Variants in SULT1E1 observed in about 807,000 individuals in gnomAD.
SULT1E1 encodes sulfotransferase family 1E member 1.
SULT1E1 carries 36 observed loss-of-function variants against 33.6 expected under a neutral mutation model. The ratio of observed to expected loss-of-function variants is 1.07; its 90% CI spans 0.82 to 1.41. The LOEUF is 1.41. Among genes scored for constraint, SULT1E1 ranks in the 40% most tolerant of loss-of-function variants. The probability of loss-of-function intolerance (pLI) is 0.00; values close to 1 mark genes in which losing one functional copy is unlikely to be tolerated. For synonymous variants in SULT1E1, 121 were observed against 111.7 expected, an observed-to-expected ratio of 1.08 and a Z score of -0.53; for missense variants, 371 against 345.7, an observed-to-expected ratio of 1.07 and a Z score of -0.58.
intron 3 of SULT1E1, among the ~76,000 whole-genome samples, 172 bp downstream of exon 3, chr4:69,855,129 A>G (rs1213796789): frequency 6.6e-6 from 1 of 152,050 alleles, no homozygotes; most frequent in Non-Finnish European, 1.5e-5. Context: ...CTGTACACAT[A>G]CTATACTGCA....
downstream of SULT1E1, among the ~76,000 whole-genome samples, chr4:69,836,300 C>T (rs1720795840): frequency 1.3e-5 from 2 of 152,136 alleles, no homozygotes; most frequent in South Asian, 4.1e-4. Flanking sequence ...CCTAGTCAGT[C>T]TTGAGCAAGT....
chr4:69,833,475 A>T, the SULT1E1 span, among the ~76,000 whole-genome samples: 190 of 152,330 alleles, frequency 1.2e-3, 1 homozygote, highest in African/African-American at 4.2e-3. Flanking sequence ...TAAGGAACTT[A>T]CTGTCTGGTT....
chr4:69,837,086 CAAAA>C (rs3077549), downstream of SULT1E1, among the ~76,000 whole-genome samples: 455 of 145,294 alleles, frequency 3.1e-3, 1 homozygote, highest in Middle Eastern at 3.6e-3. Flanking sequence ...CTCCCTGTCT[CAAAA>C]AAAAAAAAAA....
rs11573782 is a variant in SULT1E1, at chr4:69,847,281, T to C, written c.591+417A>G. Reference sequence around the variant, plus strand: ...TTTCTTTGTAATTTTTAAAATTTCATCTTTTATTTATTTAAACATATTAAG... The same window carrying C: ...TTTCTTTGTAATTTTTAAAATTTCACCTTTTATTTATTTAAACATATTAAG... On this transcript the variant is annotated intron_variant, in intron 6 of 7. Transcript: ENST00000226444. Among the ~76,000 whole-genome samples the C allele has an allele frequency of 8.7e-4, 132 of 151,812 alleles. 1 individual carries two copies. Among genetic ancestry groups the C allele is most frequent in the African/African-American group, 3.1e-3 (128 of 41,534 alleles).
chr4:69,856,372 T>C (rs927973857), intron 2 of SULT1E1, among the ~76,000 whole-genome samples: 1 of 152,160 alleles, frequency 6.6e-6, no homozygotes, highest in Non-Finnish European at 1.5e-5. Flanking sequence ...AGGATTGTGT[T>C]TTAGAAGAAT....
the SULT1E1 span, among the ~76,000 whole-genome samples, chr4:69,828,780 C>A: frequency 6.6e-6 from 1 of 152,252 alleles, no homozygotes. Flanking sequence ...ACACTGGACA[C>A]TTTCAGAGCA....
At chr4:69,854,651 A>C (rs544634924) in intron 3 of SULT1E1, among the ~76,000 whole-genome samples, 1 of 152,020 alleles carries the variant, frequency 6.6e-6, no homozygotes, top group Non-Finnish European at 1.5e-5. Context: ...ATTACATAGA[A>C]AAATATAAAA....
downstream of SULT1E1, chr4:69,838,577 A>G (rs1720833285): frequency 1.3e-5 from 2 of 152,194 alleles, no homozygotes; most frequent in Non-Finnish European, 2.9e-5. Flanking sequence ...TTAGACCTAA[A>G]AATAAGTGAA....
At chr4:69,856,837 G>A (rs1270091416) in intron 2 of SULT1E1, among the ~76,000 whole-genome samples, 1 of 148,992 alleles carries the variant, frequency 6.7e-6, no homozygotes, top group African/African-American at 2.5e-5. Flanking sequence ...TCGGGAGGCT[G>A]AGGAAGGAGA....
At chr4:69,837,035 A>G (rs528003856), downstream of SULT1E1, among the ~76,000 whole-genome samples, 24 of 151,996 alleles carry the variant, frequency 1.6e-4, no homozygotes, top group African/African-American at 5.8e-4. Flanking sequence ...GTGAGCTATG[A>G]TTGTGCCACT....
chr4:69,827,231 G>T, the SULT1E1 span, among the ~76,000 whole-genome samples: 1 of 152,270 alleles, frequency 6.6e-6, no homozygotes. Context: ...GGCCTTTAAT[G>T]AAAAGAATGT....
chr4:69,858,552 C>T (rs3775770), intron 1 of SULT1E1, among the ~76,000 whole-genome samples: 33,622 of 152,016 alleles, frequency 0.22, 4,299 homozygotes, highest in Non-Finnish European at 0.29. Context: ...CTGACATTAG[C>T]CTTTCTAGAT....
chr4:69,827,622 A>G, the SULT1E1 span, among the ~76,000 whole-genome samples: 1 of 152,300 alleles, frequency 6.6e-6, no homozygotes, highest in African/African-American at 2.4e-5. Context: ...CCAGTCAGCC[A>G]CAGATATCAA....
chr4:69,831,959 T>G, the SULT1E1 span, among the ~76,000 whole-genome samples: 7,115 of 152,250 alleles, frequency 0.047, 560 homozygotes, highest in African/African-American at 0.16. Flanking sequence ...CCAGTTCCCT[T>G]TTCTAACTGA....
chr4:69,839,679 G>C (rs913069060), downstream of SULT1E1, among the ~76,000 whole-genome samples: 36 of 152,052 alleles, frequency 2.4e-4, no homozygotes, highest in African/African-American at 8.5e-4. Context: ...AAGCTACATT[G>C]GCCACCCCTA....
rs566269539 is a variant in SULT1E1 at position 69,851,822 on chromosome 4, T to A, written c.370-2259A>T. Among the ~76,000 whole-genome samples, 10 of 152,198 alleles carry A rather than the reference T, an allele frequency of 6.6e-5. No homozygotes were observed. The East Asian group carries it at 1.4e-3, about 21-fold the overall frequency. ...AAAAAGAATGAGTTCATGTCCTTTG[T>A]AGGGACATGGATGAAACTGGAAACC... is the stretch of plus-strand genomic sequence containing the variant. On this transcript the variant is annotated intron_variant, in intron 4 of 7. Transcript: ENST00000226444.
the SULT1E1 span, among the ~76,000 whole-genome samples, chr4:69,825,951 C>T: frequency 0.11 from 16,433 of 152,098 alleles, 1,022 homozygotes; most frequent in Middle Eastern, 0.17. Flanking sequence ...AACTCGAGGA[C>T]TCTATTCCCT....
At chr4:69,854,548 C>T (rs1245544737) in intron 3 of SULT1E1, among the ~76,000 whole-genome samples, 1 of 151,674 alleles carries the variant, frequency 6.6e-6, no homozygotes, top group Non-Finnish European at 1.5e-5. Context: ...ATATTTACAT[C>T]TAATATATAT....
At chr4:69,857,177 C>T (rs1019667541) in intron 2 of SULT1E1, among the ~76,000 whole-genome samples, 1 of 151,980 alleles carries the variant, frequency 6.6e-6, no homozygotes, top group Admixed American at 6.6e-5. Flanking sequence ...GGTGGTCATA[C>T]GCTGTATATA....
Sources: gnomAD v4.1 joint callset for allele counts (sites outside exome capture counted in the v4.1 genomes callset) on GRCh38, gnomAD v4.1.1 for gene constraint, MANE v1.5 for transcripts, NCBI Gene and HGNC (gene_info 2026-07-23, HGNC 2026-07-21) for gene names.